Variants in NOL7 observed in about 807,000 individuals in gnomAD.
NOL7 encodes U3 small nucleolar RNA-associated protein NOL7.
In NOL7, 36 loss-of-function variants were observed where a neutral mutation model predicts 38.4. The ratio of observed to expected loss-of-function variants is 0.94; its 90% CI spans 0.72 to 1.24. The LOEUF is 1.24. NOL7 is among the 50% of genes most tolerant of loss of function. NOL7 has a pLI of 0.00. For missense variants in NOL7, 350 were observed against 315.1 expected (o/e 1.11, Z -0.84); for synonymous variants, 142 against 126.5 (o/e 1.12, Z -0.82).
intron 8 of NOL7, among the ~76,000 whole-genome samples, chr6:13,626,841 T>C (rs1764620257): frequency 6.6e-6 from 1 of 152,182 alleles, no homozygotes; most frequent in Admixed American, 6.5e-5. Flanking sequence ...ATCTTACTAG[T>C]GTTATGAAAG....
At chr6:13,618,854 G>A (rs1474292202) in intron 5 of NOL7, among the ~76,000 whole-genome samples, 1 of 152,130 alleles carries the variant, frequency 6.6e-6, no homozygotes, top group Non-Finnish European at 1.5e-5. Flanking sequence ...TTGTGCCACT[G>A]CACTACAGCC....
chr6:13,629,579 C>T (rs564842041), intron 8 of NOL7, among the ~76,000 whole-genome samples: 92 of 152,254 alleles, frequency 6.0e-4, no homozygotes, highest in African/African-American at 2.1e-3. Context: ...AATAGGGTGA[C>T]TCTAAATGGT....
In NOL7 at chr6:13,615,563, T is replaced by A; in HGVS notation, c.205T>A (p.Phe69Ile). 1 of 1,566,222 alleles carries A rather than the reference T, an allele frequency of 6.4e-7. No homozygotes were observed. Among genetic ancestry groups the A allele is most frequent in the Non-Finnish European group, 8.7e-7 (1 of 1,154,232 alleles). Residue 69 changes from phenylalanine (F) to isoleucine (I), a missense_variant, in exon 1 of 8, where the codon TTC (phenylalanine) becomes ATC (isoleucine). By Grantham distance (21) the Phe-to-Ile change is conservative. Coordinates refer to ENST00000451315, the MANE Select transcript of NOL7 (RefSeq NM_016167.5). ...FDDEAPEELT[F>I]ASAQAEAREE... is the part of the protein sequence containing the mutation. ...CGATGAGGCCCCGGAGGAGCTGACTTTCGCCAGCGCCCAGGCGGAAGCGAG... is the reference window on the plus strand; with the variant it reads ...CGATGAGGCCCCGGAGGAGCTGACTATCGCCAGCGCCCAGGCGGAAGCGAG...
At chr6:13,616,803 G>C (rs1230404653) in intron 3 of NOL7, among the ~76,000 whole-genome samples, 1 of 152,166 alleles carries the variant, frequency 6.6e-6, no homozygotes, top group Admixed American at 6.5e-5. Context: ...GGCATAGTGG[G>C]TGGTGGTGAA....
At position 13,620,647 on chromosome 6, in the gene NOL7, T is replaced by C. The variant is rs920434135; in HGVS notation, c.701-107T>C. The C allele has an allele frequency of 3.4e-5, 33 of 970,050 alleles. 1 individual carries two copies. In the African/African-American group the frequency reaches 4.8e-4, roughly 14 times the overall value. 60.1% of individuals were successfully genotyped at this position (970,050 alleles called of 1,614,324 possible). A position where few individuals can be genotyped will look rare whatever the true frequency, so the allele number is the denominator to read the frequency against. On this transcript the variant is annotated intron_variant, in intron 7 of 7. Coordinates refer to ENST00000451315, the MANE Select transcript of NOL7 (RefSeq NM_016167.5). ...ATGTAGTATGTATATACATCTAAAG[T>C]ATAATAAGCCCACCCAGTTTTAGTA...
rs558438156 is a variant in NOL7, at chr6:13,627,561, C to T, written n.574-4832C>T. Among the ~76,000 whole-genome samples, 11 of 139,718 alleles carry T rather than the reference C, an allele frequency of 7.9e-5. No homozygotes were observed. In the South Asian group the frequency reaches 9.3e-4, roughly 12 times the overall value. The allele number at this position is 139,718 out of a possible 152,430, so 91.7% of individuals were successfully genotyped here. A position where few individuals can be genotyped will look rare whatever the true frequency, so the allele number is the denominator to read the frequency against. On this transcript the variant is annotated intron_variant and non_coding_transcript_variant, in intron 8 of 8. Coordinates refer to the NOL7 transcript ENST00000474485. ...AGGAGAATCACTTGAACCCAGTAGG[C>T]GGAGGCTGCAGTGAGCCAAGATCAC... is the stretch of plus-strand genomic sequence containing the variant.
chr6:13,618,131 G>A lies in NOL7; in HGVS notation c.492G>A (p.Gln164=), dbSNP rs1324393489. ...AGAAAGTTAAAGTACAAAAAGTACAGTCTGTCAGGTAATGAGTCTTTTGTT... is the reference window on the plus strand; with the variant it reads ...AGAAAGTTAAAGTACAAAAAGTACAATCTGTCAGGTAATGAGTCTTTTGTT... The part of the protein sequence containing the change: ...DSKKVKVQKV[Q]SVSQNKSYLA... Residue 164 remains glutamine (Q), a synonymous_variant, in exon 5 of 8, where the codon CAG becomes CAA. Coordinates refer to ENST00000451315, the MANE Select transcript of NOL7 (RefSeq NM_016167.5). 1.9e-6 allele frequency: 3 copies of A among 1,573,952 alleles called. No homozygotes were observed. The South Asian group carries it at 3.3e-5, about 18-fold the overall frequency.
downstream of NOL7, chr6:13,622,318 T>C: frequency 6.9e-7 from 1 of 1,439,860 alleles, no homozygotes; most frequent in South Asian, 1.6e-5. Context: ...ACTTCCATGT[T>C]GACTATATGC....
intron 5 of NOL7, 151 bp from the exon 6 acceptor site, chr6:13,620,057 G>A (rs751986265): frequency 2.1e-5 from 16 of 755,728 alleles, no homozygotes; most frequent in African/African-American, 5.3e-5. Flanking sequence ...AGGAGGCTGA[G>A]GCAGGCAAGT....
chr6:13,622,233 C>T, downstream of NOL7: 1 of 925,666 alleles, frequency 1.1e-6, no homozygotes, highest in Middle Eastern at 3.0e-4. Context: ...AACTAGGAAG[C>T]AATGTAAAGC....
intron 8 of NOL7, among the ~76,000 whole-genome samples, chr6:13,632,143 TTTTTTTTTTTTTTTTTTTTTTTTTG>T (rs1764803311): frequency 3.7e-5 from 3 of 81,808 alleles, no homozygotes; most frequent in African/African-American, 6.3e-5. Flanking sequence ...TTTTTTTTTT[TTTTTTTTTTTTTTTTTTTTTTTTTG>T]CTTTAGTCCA....
In NOL7 at chr6:13,615,999, GCGC is replaced by G. The variant is rs1422109594; in HGVS notation, c.327+228_327+230del. Among the ~76,000 whole-genome samples, 20 of 152,162 alleles carry G rather than the reference GCGC, an allele frequency of 1.3e-4. No homozygotes were observed. In the East Asian group the frequency reaches 3.9e-3, roughly 29 times the overall value. On this transcript the variant is annotated intron_variant, in intron 2 of 7. Transcript: ENST00000451315. ...TGCCTGGAGCCGAGATCACACCACT[GCGC>G]TCCAGCCTGGGCGACAGAGCGAGAC...
chr6:13,622,441 G>C, downstream of NOL7: 1 of 1,603,224 alleles, frequency 6.2e-7, no homozygotes, highest in Non-Finnish European at 8.5e-7. Flanking sequence ...ACATTGTGTG[G>C]CCTGTCCCAT....
rs146721168 is a variant in NOL7 at position 13,630,116 on chromosome 6, T to C, written n.574-2277T>C. On this transcript the variant is annotated intron_variant and non_coding_transcript_variant, in intron 8 of 8. Transcript: ENST00000474485. ...CCCTCAAATCATCCGGCCTTGTTCT[T>C]TGGCTACTTATATATAAGGTGGGTC... Among the ~76,000 whole-genome samples the C allele has an allele frequency of 3.6e-3, 545 of 152,274 alleles. 1 individual carries two copies. Among genetic ancestry groups the C allele is most frequent in the African/African-American group, 0.012 (507 of 41,550 alleles).
intron 3 of NOL7, among the ~76,000 whole-genome samples, chr6:13,617,222 G>A (rs1196535198): frequency 1.3e-5 from 2 of 151,842 alleles, no homozygotes; most frequent in Admixed American, 6.6e-5. Context: ...CCAAGCTCAA[G>A]TGTCACCTTT....
chr6:13,620,058 G>T, intron 5 of NOL7, 150 bp from the exon 6 acceptor site: 1 of 756,742 alleles, frequency 1.3e-6, no homozygotes, highest in Non-Finnish European at 2.1e-6. Context: ...GGAGGCTGAG[G>T]CAGGCAAGTT....
chr6:13,618,303 A>C (rs1764341097), intron 5 of NOL7, 164 bp downstream of exon 5: 1 of 216,708 alleles, frequency 4.6e-6, no homozygotes, highest in East Asian at 1.0e-4. Flanking sequence ...TGCGGACTGC[A>C]GTGGCGCAAT....
intron 5 of NOL7, 117 bp from the exon 6 acceptor site, chr6:13,620,091 T>C: frequency 8.9e-7 from 1 of 1,128,392 alleles, no homozygotes; most frequent in Middle Eastern, 2.8e-4. Flanking sequence ...GAGGCAGAAG[T>C]TGCAGTGAGC....
chr6:13,625,731 A>G, downstream of NOL7: 1 of 1,612,306 alleles, frequency 6.2e-7, no homozygotes, highest in Non-Finnish European at 8.5e-7. Context: ...GGGCTGTTCC[A>G]GGGATCTGAA....
Sources: gnomAD v4.1 joint callset for allele counts (sites outside exome capture counted in the v4.1 genomes callset) on GRCh38, gnomAD v4.1.1 for gene constraint, MANE v1.5 for transcripts, NCBI Gene and HGNC (gene_info 2026-07-23, HGNC 2026-07-21) for gene names.